The following RSBN1L variants were observed in gnomAD, a reference collection of about 807,000 sequenced individuals.
RSBN1L encodes lysine-specific demethylase RSBN1L.
A neutral mutation model predicts 67.7 loss-of-function variants in RSBN1L; 30 were observed. The ratio of observed to expected loss-of-function variants is 0.44; its 90% CI spans 0.33 to 0.60. The LOEUF (loss-of-function observed/expected upper bound fraction) is 0.60, where lower values mean the gene tolerates loss of function less well. Among genes scored for constraint, RSBN1L ranks in the 20% least tolerant of loss-of-function variants. The pLI, the probability that RSBN1L is intolerant of heterozygous loss-of-function variation, is 0.02. For synonymous variants in RSBN1L, 433 were observed against 387.0 expected (o/e 1.12, Z -1.39); for missense variants, 992 against 1,031.7 (o/e 0.96, Z 0.53).
At chr7:77,758,251 C>G (rs1791647967) in intron 3 of RSBN1L, among the ~76,000 whole-genome samples, 1 of 152,138 alleles carries the variant, frequency 6.6e-6, no homozygotes, top group Non-Finnish European at 1.5e-5. Context: ...TTCCCAGGTT[C>G]AAGTGATTCT....
At chr7:77,705,783 T>C (rs187171521) in intron 1 of RSBN1L, among the ~76,000 whole-genome samples, 4 of 152,284 alleles carry the variant, frequency 2.6e-5, no homozygotes, top group Admixed American at 1.3e-4. Flanking sequence ...ATTACAGGCA[T>C]GAGCCACCAC....
intron 3 of RSBN1L, among the ~76,000 whole-genome samples, chr7:77,755,557 T>G (rs931990791): frequency 3.9e-5 from 6 of 152,186 alleles, no homozygotes; most frequent in Non-Finnish European, 8.8e-5. Context: ...TCCCAGCTTC[T>G]CGGGAGGCTG....
intron 1 of RSBN1L, among the ~76,000 whole-genome samples, chr7:77,715,331 G>A (rs935891014): frequency 6.6e-6 from 1 of 152,126 alleles, no homozygotes; most frequent in African/African-American, 2.4e-5. Context: ...ATACCTAGCA[G>A]TGGGATATTT....
intron 2 of RSBN1L, among the ~76,000 whole-genome samples, chr7:77,742,180 A>AAACACACACAC (rs1554340015): frequency 1.2e-5 from 1 of 82,178 alleles, no homozygotes; most frequent in Non-Finnish European, 2.3e-5. Flanking sequence ...AAAAAAAAAA[A>AAACACACACAC]ATACACACAC....
intron 2 of RSBN1L, among the ~76,000 whole-genome samples, chr7:77,738,477 A>G (rs1231611568): frequency 6.6e-6 from 1 of 152,194 alleles, no homozygotes; most frequent in East Asian, 1.9e-4. Context: ...ATGTATTCAC[A>G]GTGGAGGTAA....
At chr7:77,758,059 A>T (rs942847146) in intron 3 of RSBN1L, among the ~76,000 whole-genome samples, 1 of 152,224 alleles carries the variant, frequency 6.6e-6, no homozygotes. Flanking sequence ...AAAGAAATTC[A>T]TGATAATGCT....
At chr7:77,739,777 T>A (rs1332957656) in intron 2 of RSBN1L, among the ~76,000 whole-genome samples, 1 of 87,594 alleles carries the variant, frequency 1.1e-5, no homozygotes. Context: ...TTGAGAGGAG[T>A]CTTGCTCTGT....
At chr7:77,753,596 A>C (rs1233593453) in intron 3 of RSBN1L, among the ~76,000 whole-genome samples, 1 of 152,202 alleles carries the variant, frequency 6.6e-6, no homozygotes, top group African/African-American at 2.4e-5. Context: ...GGTAACTAGA[A>C]GTTCCTAAGT....
chr7:77,744,281 C>T (rs1315508770), intron 2 of RSBN1L, among the ~76,000 whole-genome samples: 1 of 152,202 alleles, frequency 6.6e-6, no homozygotes, highest in African/African-American at 2.4e-5. Context: ...AGTGATCCTC[C>T]TGCCTTGCCC....
At position 77,756,377 on chromosome 7, in the gene RSBN1L, C is replaced by G. The variant is rs184468938; in HGVS notation, c.1344+6313C>G. 7.3e-3 allele frequency among the ~76,000 whole-genome samples: 1,104 copies of G among 152,178 alleles called. 5 individuals carry two copies. Among genetic ancestry groups the G allele is most frequent in the Non-Finnish European group, 0.012 (799 of 68,012 alleles). ...TGAACTCCTGACTTCAGGTGATCTACCTGCCTCGGCCTCCCAAAGTCTTGG... is the reference window on the plus strand; with the variant it reads ...TGAACTCCTGACTTCAGGTGATCTAGCTGCCTCGGCCTCCCAAAGTCTTGG... On this transcript the variant is annotated intron_variant, in intron 3 of 7. Transcript: ENST00000334955.
chr7:77,697,484 C>G (rs953700396), intron 1 of RSBN1L: 1 of 158,962 alleles, frequency 6.3e-6, no homozygotes, highest in South Asian at 2.0e-4. Context: ...CGTTCAACCC[C>G]GGATAATCCT....
At chr7:77,731,625 C>T (rs1158787141) in intron 1 of RSBN1L, among the ~76,000 whole-genome samples, 1 of 152,140 alleles carries the variant, frequency 6.6e-6, no homozygotes, top group Admixed American at 6.5e-5. Flanking sequence ...TACATCTTTA[C>T]CAAGTATTTT....
intron 5 of RSBN1L, among the ~76,000 whole-genome samples, chr7:77,770,308 G>C (rs1187626529): frequency 6.6e-6 from 1 of 152,158 alleles, no homozygotes; most frequent in Non-Finnish European, 1.5e-5. Flanking sequence ...CTGGGAGATA[G>C]AGGTTGCAGT....
chr7:77,698,797 G>A (rs1012031189), intron 1 of RSBN1L, among the ~76,000 whole-genome samples: 2 of 152,094 alleles, frequency 1.3e-5, no homozygotes, highest in Non-Finnish European at 2.9e-5. Flanking sequence ...TAACACTACT[G>A]TAAGATTTTC....
intron 6 of RSBN1L, 102 bp downstream of exon 6, chr7:77,773,416 A>AAAC: frequency 1.3e-6 from 1 of 776,820 alleles, no homozygotes; most frequent in Non-Finnish European, 1.9e-6. Flanking sequence ...AAAAAGTTTC[A>AAAC]TTTTTTACCC....
At chr7:77,732,951 T>C (rs376989526) in intron 1 of RSBN1L, among the ~76,000 whole-genome samples, 1 of 152,134 alleles carries the variant, frequency 6.6e-6, no homozygotes, top group African/African-American at 2.4e-5. Context: ...CACTTTATCA[T>C]AGCTCTGCCA....
chr7:77,741,702 A>AAG (rs1554339941), intron 2 of RSBN1L, among the ~76,000 whole-genome samples: 1 of 151,908 alleles, frequency 6.6e-6, no homozygotes, highest in Non-Finnish European at 1.5e-5. Flanking sequence ...AAAAAAAAAA[A>AAG]AAAAGAAAAG....
chr7:77,699,237 T>A (rs1790781425), intron 1 of RSBN1L, among the ~76,000 whole-genome samples: 1 of 152,136 alleles, frequency 6.6e-6, no homozygotes. Context: ...GATTGAACAG[T>A]CTGAGTCAGA....
chr7:77,748,378 A>C (rs17157263), intron 2 of RSBN1L, among the ~76,000 whole-genome samples: 3 of 152,240 alleles, frequency 2.0e-5, no homozygotes, highest in African/African-American at 7.2e-5. Flanking sequence ...TTGATATTTC[A>C]ACATTCTGGG....
Sources: allele counts gnomAD v4.1 joint callset (sites outside exome capture counted in the v4.1 genomes callset), GRCh38; gene constraint gnomAD v4.1.1; transcripts MANE v1.5; gene names NCBI Gene and HGNC (gene_info 2026-07-23, HGNC 2026-07-21).